The following PRKN variants were observed in gnomAD, a reference collection of about 807,000 sequenced individuals.
The protein encoded by PRKN is parkin RBR E3 ubiquitin protein ligase.
In PRKN, 56 loss-of-function variants were observed where a neutral mutation model predicts 59.5. That is an observed-to-expected ratio of 0.94 (90% CI 0.76 to 1.18). The LOEUF (loss-of-function observed/expected upper bound fraction) is 1.18. Ranked by LOEUF, PRKN falls within the 50% of genes most tolerant of loss-of-function variation. The pLI is 0.00. For missense variants in PRKN, 657 were observed against 596.4 expected (o/e 1.10, Z -1.06); for synonymous variants, 250 against 222.1 (o/e 1.13, Z -1.12).
At chr6:162,144,505 T>G (rs183550554) in intron 4 of PRKN, among the ~76,000 whole-genome samples, 1 of 152,282 alleles carries the variant, frequency 6.6e-6, no homozygotes, top group Admixed American at 6.5e-5. Flanking sequence ...GAAGATCAGC[T>G]GGTGTAGGTT....
At chr6:162,707,775 A>C (rs906633179) in intron 1 of PRKN, among the ~76,000 whole-genome samples, 1 of 152,178 alleles carries the variant, frequency 6.6e-6, no homozygotes, top group African/African-American at 2.4e-5. Context: ...GGGTTTCACC[A>C]TGTTGGCCAA....
At chr6:161,765,110 G>C (rs1789367182) in intron 7 of PRKN, among the ~76,000 whole-genome samples, 2 of 152,168 alleles carry the variant, frequency 1.3e-5, no homozygotes, top group South Asian at 4.1e-4. Context: ...CTGGTAAACA[G>C]TATATTCCTG....
At chr6:161,516,826 CA>C (rs369136348) in intron 9 of PRKN, among the ~76,000 whole-genome samples, 801 of 63,172 alleles carry the variant, frequency 0.013, 3 homozygotes, top group African/African-American at 0.042. Context: ...GACTCAATCT[CA>C]AAAAAAAAAA....
intron 2 of PRKN, among the ~76,000 whole-genome samples, chr6:162,286,617 A>C (rs1034268873): frequency 1.3e-5 from 2 of 152,210 alleles, no homozygotes; most frequent in African/African-American, 4.8e-5. Context: ...AACTTGTATC[A>C]CAGTGTGGTT....
chr6:161,949,828 C>G (rs1779920089), intron 6 of PRKN, among the ~76,000 whole-genome samples: 2 of 152,190 alleles, frequency 1.3e-5, no homozygotes, highest in Admixed American at 1.3e-4. Context: ...GAGGGCAGCA[C>G]ACGGCACTGG....
intron 1 of PRKN, among the ~76,000 whole-genome samples, chr6:162,605,628 T>C (rs1781882780): frequency 6.6e-6 from 1 of 152,098 alleles, no homozygotes; most frequent in South Asian, 2.1e-4. Context: ...AAAGAAACAG[T>C]GTAAGAGCTC....
intron 9 of PRKN, among the ~76,000 whole-genome samples, chr6:161,472,895 G>A (rs559816712): frequency 3.3e-5 from 5 of 152,246 alleles, no homozygotes; most frequent in South Asian, 2.1e-4. Context: ...ACAGGCATAC[G>A]AAAAGGTAAT....
intron 9 of PRKN, among the ~76,000 whole-genome samples, chr6:161,519,525 T>C (rs1778743499): frequency 6.6e-6 from 1 of 152,080 alleles, no homozygotes; most frequent in Non-Finnish European, 1.5e-5. Flanking sequence ...TTCAGCATGA[T>C]CAGATCTGGA....
chr6:161,700,677 T>G (rs1180758880), intron 7 of PRKN, among the ~76,000 whole-genome samples: 1 of 152,208 alleles, frequency 6.6e-6, no homozygotes, highest in East Asian at 1.9e-4. Context: ...ACTGTCTTAT[T>G]AAACTTCCAT....
intron 6 of PRKN, among the ~76,000 whole-genome samples, chr6:161,934,891 C>T (rs1779296732): frequency 6.6e-6 from 1 of 152,122 alleles, no homozygotes; most frequent in South Asian, 2.1e-4. Flanking sequence ...ACTTTGAGAT[C>T]TCCCAAATGG....
At chr6:161,870,467 C>G (rs190017084) in intron 6 of PRKN, among the ~76,000 whole-genome samples, 1 of 152,142 alleles carries the variant, frequency 6.6e-6, no homozygotes, top group East Asian at 1.9e-4. Flanking sequence ...AAATCAAACA[C>G]ACCTTACATA....
intron 1 of PRKN, among the ~76,000 whole-genome samples, chr6:162,698,386 C>G (rs536269199): frequency 1.2e-4 from 18 of 152,210 alleles, no homozygotes; most frequent in African/African-American, 4.3e-4. Context: ...ATTGAAAATC[C>G]TTTATAAGGG....
rs190197700 is a variant in PRKN, at chr6:161,603,146, G to A, written c.872-33730C>T. On this transcript the variant is annotated intron_variant, in intron 7 of 11. Transcript: ENST00000366898. ...GTAGCAGCAACAGTGCTAAATTGCC[G>A]ATTTTTTTTTGGCACCATATTGACT... Among the ~76,000 whole-genome samples, 127 of 152,218 alleles carry A rather than the reference G, an allele frequency of 8.3e-4. 3 individuals carry two copies. The highest frequency in any genetic ancestry group is 2.2e-3 in the Admixed American group (34 of 15,302).
intron 6 of PRKN, among the ~76,000 whole-genome samples, chr6:161,883,507 AGGT>A (rs1795020092): frequency 1.1e-5 from 1 of 93,398 alleles, no homozygotes; most frequent in African/African-American, 4.3e-5. Context: ...AGGGAAGGGA[AGGT>A]GGGGAGGGGA....
At chr6:162,599,897 AATT>A (rs1425883686) in intron 1 of PRKN, among the ~76,000 whole-genome samples, 4 of 152,196 alleles carry the variant, frequency 2.6e-5, no homozygotes, top group Non-Finnish European at 5.9e-5. Context: ...AGAGTCCTAA[AATT>A]ATTAATTCAG....
intron 1 of PRKN, among the ~76,000 whole-genome samples, chr6:162,644,617 G>A (rs969812805): frequency 4.6e-5 from 7 of 152,150 alleles, no homozygotes; most frequent in African/African-American, 7.2e-5. Flanking sequence ...CCATAAATAC[G>A]GTGGTGTATC....
rs1786386303 is a variant in PRKN, at chr6:161,388,980, G to A, written c.1084-2103C>T. ...TAAATAAGAATATAATATGCTGAAA[G>A]TAGTGTCTGGAAGATTCAAAAATTT... On this transcript the variant is annotated intron_variant, in intron 9 of 11. Transcript: ENST00000366898. This position sits in a 1 kb window ranked among gnomAD's most constrained non-coding sequence, Gnocchi z 4.3. Among the ~76,000 whole-genome samples, 1 of 152,192 alleles carries A rather than the reference G, an allele frequency of 6.6e-6. No individual in the cohort carries two copies. The highest frequency in any genetic ancestry group is 2.1e-4 in the South Asian group (1 of 4,824).
At chr6:162,186,531 T>C (rs992391296) in intron 4 of PRKN, among the ~76,000 whole-genome samples, 27 of 152,306 alleles carry the variant, frequency 1.8e-4, no homozygotes, top group African/African-American at 6.5e-4. Context: ...CTCAGAGAGC[T>C]TGATATGGCT....
At chr6:162,117,877 G>A (rs1780741022) in intron 4 of PRKN, among the ~76,000 whole-genome samples, 1 of 151,822 alleles carries the variant, frequency 6.6e-6, no homozygotes, top group African/African-American at 2.4e-5. Flanking sequence ...TGGGTGGATT[G>A]CCTGAGGTCA....
Sources: allele counts gnomAD v4.1 joint callset (sites outside exome capture counted in the v4.1 genomes callset), GRCh38; gene constraint gnomAD v4.1.1; non-coding constraint Gnocchi (gnomAD v3.1); transcripts MANE v1.5; gene names NCBI Gene and HGNC (gene_info 2026-07-23, HGNC 2026-07-21).